EVC2: variants seen among roughly 807,000 people sequenced by gnomAD.
EVC2 encodes the protein limbin.
Under a neutral mutation model 149.3 loss-of-function variants are expected in EVC2, and 148 were observed. The ratio of observed to expected loss-of-function variants is 0.99; its 90% CI spans 0.87 to 1.14. EVC2 has a LOEUF of 1.14. Ranked by LOEUF, EVC2 falls within the 50% of genes most tolerant of loss-of-function variation. EVC2 has a pLI of 0.00. For missense variants in EVC2, 1,854 were observed against 1,627.3 expected (o/e 1.14, Z -2.40); for synonymous variants, 776 against 649.9 (o/e 1.19, Z -2.95).
chr4:5,631,514 C>T (rs180876320), intron 11 of EVC2, among the ~76,000 whole-genome samples: 58 of 151,682 alleles, frequency 3.8e-4, no homozygotes, highest in South Asian at 2.9e-3. Flanking sequence ...TTATAAGTGA[C>T]GAAACTAAGG....
Position 5,574,296 on chromosome 4 carries a change from T to A in EVC2, c.3360+389A>T, listed in dbSNP as rs373372827. ...ATGAGAAAGGTTGGCTGATCTCCAC[T>A]CAGAGAGGTGTAGTGTGGGGTGCAG... is the stretch of plus-strand genomic sequence containing the variant. On this transcript the variant is annotated intron_variant, in intron 19 of 21. Transcript: ENST00000344408. Among the ~76,000 whole-genome samples the A allele has an allele frequency of 9.6e-4, 146 of 152,328 alleles. No individual in the cohort carries two copies. In the Middle Eastern group the frequency reaches 0.031, roughly 32 times the overall value.
intron 1 of EVC2, among the ~76,000 whole-genome samples, chr4:5,706,085 C>T (rs528161930): frequency 1.1e-4 from 17 of 152,092 alleles, no homozygotes; most frequent in South Asian, 2.1e-4. Flanking sequence ...GACGATTCCT[C>T]CACTTGGGAT....
At chr4:5,705,549 T>TG (rs1438130957) in intron 1 of EVC2, among the ~76,000 whole-genome samples, 16 of 150,208 alleles carry the variant, frequency 1.1e-4, no homozygotes, top group Non-Finnish European at 1.8e-4. Flanking sequence ...CATTTTTTTT[T>TG]GAAAACTAAA....
At chr4:5,590,303 G>C (rs773486642) in intron 16 of EVC2, among the ~76,000 whole-genome samples, 21 of 152,308 alleles carry the variant, frequency 1.4e-4, no homozygotes, top group Admixed American at 5.9e-4. Context: ...GCAAGGCATG[G>C]CAAGAATTGG....
At chr4:5,550,847 C>T (rs1042512996) in intron 21 of EVC2, among the ~76,000 whole-genome samples, 1 of 152,196 alleles carries the variant, frequency 6.6e-6, no homozygotes, top group Admixed American at 6.5e-5. Flanking sequence ...CCCTGCATCC[C>T]AGCTGCTCCA....
intron 9 of EVC2, among the ~76,000 whole-genome samples, chr4:5,650,638 T>TATATATATAGAGAGAG (rs1162935817): frequency 1.1e-4 from 5 of 45,096 alleles, no homozygotes; most frequent in Non-Finnish European, 2.0e-4. Flanking sequence ...TATATATATA[T>TATATATATAGAGAGAG]AGAGAGAGAG....
chr4:5,610,133 A>T (rs571197735), intron 16 of EVC2, among the ~76,000 whole-genome samples: 5 of 152,286 alleles, frequency 3.3e-5, no homozygotes, highest in African/African-American at 1.2e-4. Context: ...ATTAGAGTGG[A>T]TAGATGGAAA....
At chr4:5,557,992 AC>A (rs1721868892), downstream of EVC2, among the ~76,000 whole-genome samples, 1 of 152,132 alleles carries the variant, frequency 6.6e-6, no homozygotes, top group African/African-American at 2.4e-5. Flanking sequence ...TCCCAACCTG[AC>A]CTATAGAATC....
intron 16 of EVC2, among the ~76,000 whole-genome samples, chr4:5,585,833 G>C (rs1309375881): frequency 2.0e-5 from 3 of 151,830 alleles, no homozygotes; most frequent in African/African-American, 7.3e-5. Context: ...GAGTCATACG[G>C]TACATATTTT....
Position 5,594,972 on chromosome 4 carries a change from C to T in EVC2, c.2830-10122G>A, listed in dbSNP as rs187926178. On this transcript the variant is annotated intron_variant, in intron 16 of 21. Coordinates refer to ENST00000344408, the MANE Select transcript of EVC2 (RefSeq NM_147127.5). The stretch of plus-strand genomic sequence containing the variant: ...CAACTGGAAGAAAGGCTATCAGTGA[C>T]GGAAGATGAAATGAATGAAATAAAG... Among the ~76,000 whole-genome samples the T allele has an allele frequency of 5.9e-3, 890 of 151,842 alleles. 7 individuals are homozygous for T. The highest frequency in any genetic ancestry group is 0.014 in the Middle Eastern group (4 of 294).
chr4:5,550,166 T>A (rs1196886429), intron 21 of EVC2, among the ~76,000 whole-genome samples: 1 of 152,146 alleles, frequency 6.6e-6, no homozygotes, highest in African/African-American at 2.4e-5. Context: ...GCTGAAAAGA[T>A]ACCCAAAAAT....
the EVC2 span, among the ~76,000 whole-genome samples, chr4:5,534,201 T>A: frequency 2.0e-5 from 3 of 152,142 alleles, no homozygotes; most frequent in Admixed American, 1.3e-4. Flanking sequence ...AAAATGACAC[T>A]GATTTTAGAG....
intron 15 of EVC2, among the ~76,000 whole-genome samples, chr4:5,615,804 G>A: frequency 6.6e-6 from 1 of 152,184 alleles, no homozygotes. Context: ...CCTCAGCTCT[G>A]CAGTCAGAGA....
At chr4:5,615,188 T>G (rs1166627721) in intron 16 of EVC2, among the ~76,000 whole-genome samples, 1 of 152,000 alleles carries the variant, frequency 6.6e-6, no homozygotes, top group Non-Finnish European at 1.5e-5. Context: ...AAGGATCCGG[T>G]GAGATCCCCA....
chr4:5,597,119 C>T (rs1713503074), intron 16 of EVC2, among the ~76,000 whole-genome samples: 1 of 152,150 alleles, frequency 6.6e-6, no homozygotes, highest in Non-Finnish European at 1.5e-5. Context: ...GGATTCACAG[C>T]CGAATTCTAC....
intron 19 of EVC2, 86 bp downstream of exon 19, chr4:5,574,598 TG>T: frequency 7.4e-7 from 1 of 1,349,212 alleles, no homozygotes; most frequent in Non-Finnish European, 1.1e-6. Context: ...ATCACCATCC[TG>T]GAGGTGAGGA....
rs761217018 is a variant in EVC2 at position 5,640,683 on chromosome 4, T to C, written c.1301A>G (p.Lys434Arg). 2.5e-6 allele frequency: 4 copies of C among 1,614,156 alleles called. No homozygotes were observed. The East Asian group carries it at 8.9e-5, about 36-fold the overall frequency. Reference protein sequence around the residue: ...VERKMSAVFKKQFLLLENEIQ... With the variant: ...VERKMSAVFKRQFLLLENEIQ... ...TTCATTTTCCAGCAATAGAAACTGCTTTTTGAAAACAGCACTCATTTTTCT... is the reference window on the plus strand; with the variant it reads ...TTCATTTTCCAGCAATAGAAACTGCCTTTTGAAAACAGCACTCATTTTTCT... Residue 434 changes from lysine to arginine, a missense_variant, in exon 10 of 22, where the codon AAG becomes AGG. Physicochemically the swap from Lys to Arg is conservative, Grantham distance 26. Transcript: ENST00000344408. This position sits in a 1 kb window ranked among gnomAD's most constrained non-coding sequence, Gnocchi z 4.6.
chr4:5,702,163 C>T (rs539380389), intron 1 of EVC2, among the ~76,000 whole-genome samples: 18 of 152,176 alleles, frequency 1.2e-4, no homozygotes, highest in South Asian at 4.1e-4. Context: ...GCCCGTCCCC[C>T]ACTCCATTCG....
chr4:5,671,168 GAAA>G (rs201630717), intron 7 of EVC2, among the ~76,000 whole-genome samples: 1 of 140,602 alleles, frequency 7.1e-6, no homozygotes, highest in Non-Finnish European at 1.5e-5. Flanking sequence ...TGTCATTGTA[GAAA>G]AAAGTTTTTA....
Sources: allele counts gnomAD v4.1 joint callset (sites outside exome capture counted in the v4.1 genomes callset), GRCh38; gene constraint gnomAD v4.1.1; non-coding constraint Gnocchi (gnomAD v3.1); transcripts MANE v1.5; gene names NCBI Gene and HGNC (gene_info 2026-07-23, HGNC 2026-07-21).